Variants in MYH8 observed in about 807,000 individuals in gnomAD.
MYH8 encodes the protein myosin heavy chain 8, also known as myosin-8.
In MYH8, 168 loss-of-function variants were observed where a neutral mutation model predicts 233.2. The ratio of observed to expected loss-of-function variants is 0.72; its 90% CI spans 0.64 to 0.82. The LOEUF (loss-of-function observed/expected upper bound fraction) is 0.82. MYH8 is among the 40% of genes least tolerant of loss of function. The pLI, the probability that MYH8 is intolerant of heterozygous loss-of-function variation, is 0.00. For synonymous variants in MYH8, 785 were observed against 850.6 expected, an observed-to-expected ratio of 0.92 and a Z score of 1.34; for missense variants, 1,995 against 2,327.8, an observed-to-expected ratio of 0.86 and a Z score of 2.94.
Position 10,414,553 on chromosome 17 carries a change from C to T in MYH8, c.806-69G>A, listed in dbSNP as rs535833421. 5.6e-5 allele frequency: 59 copies of T among 1,050,686 alleles called. 1 individual carries two copies. The highest frequency in any genetic ancestry group is 1.9e-4 in the African/African-American group (12 of 63,524). 65.1% of individuals were successfully genotyped at this position (1,050,686 alleles called of 1,614,324 possible). On this transcript the variant is annotated intron_variant, in intron 9 of 39. Coordinates refer to ENST00000403437, the MANE Select transcript of MYH8 (RefSeq NM_002472.3). ...CTTCTGAGATAGTAAATGAACCTCACGTCTTTGGTCAAATTTGGAGCATTA... is the reference window on the plus strand; with the variant it reads ...CTTCTGAGATAGTAAATGAACCTCATGTCTTTGGTCAAATTTGGAGCATTA...
intron 35 of MYH8, among the ~76,000 whole-genome samples, chr17:10,393,834 G>A (rs1041743296): frequency 3.9e-5 from 6 of 152,166 alleles, no homozygotes; most frequent in African/African-American, 1.2e-4. Context: ...AGTGAACACA[G>A]CAGTGCTAAA....
Position 10,400,633 on chromosome 17 carries a change from C to G in MYH8, c.3492G>C (p.Val1164=), listed in dbSNP as rs772121980. 6.2e-7 allele frequency: 1 copy of G among 1,614,200 alleles called. No homozygotes were observed. Among genetic ancestry groups the G allele is most frequent in the Non-Finnish European group, 8.5e-7 (1 of 1,180,040 alleles). The part of the protein sequence containing the change: ...EEAGGATSAQ[V]ELNKKREAEF... ...CAGCCTCCCGCTTCTTGTTCAATTC[C>G]ACCTGAGCAGAAGTTGCCCCACCGG... The change falls in exon 27 of 40, where the codon GTG becomes GTC. Residue 1164 remains valine (V), a synonymous_variant. Coordinates refer to ENST00000403437, the MANE Select transcript of MYH8 (RefSeq NM_002472.3). This position sits in a 1 kb window ranked among gnomAD's most constrained non-coding sequence, Gnocchi z 4.0.
At position 10,419,143 on chromosome 17, in the gene MYH8, C is replaced by T; in HGVS notation, c.211-113G>A. On this transcript the variant is annotated intron_variant, in intron 3 of 39. Transcript: ENST00000403437. The surrounding 1 kb of genome is among the most constrained non-coding windows in gnomAD (Gnocchi z 4.0). Reference sequence around the variant, plus strand: ...CGCGATCTCAGCTCACTGCAACCTCCGCCCTCCTGCTTCAAGTGATTGTCC... The same window carrying T: ...CGCGATCTCAGCTCACTGCAACCTCTGCCCTCCTGCTTCAAGTGATTGTCC... 7 of 1,228,694 alleles carry T rather than the reference C, an allele frequency of 5.7e-6. No individual in the cohort carries two copies. The highest frequency in any genetic ancestry group is 2.6e-5 in the South Asian group (2 of 78,230). The allele number at this position is 1,228,694 out of a possible 1,614,324, so 76.1% of individuals were successfully genotyped here. A position where few individuals can be genotyped will look rare whatever the true frequency, so the allele number is the denominator to read the frequency against.
At position 10,406,069 on chromosome 17, in the gene MYH8, C is replaced by A; in HGVS notation, c.2404G>T (p.Val802Leu). The change falls in exon 21 of 40, where the codon GTA becomes TTA. Residue 802 changes from valine to leucine, a missense_variant. Physicochemically the swap from Val to Leu is conservative, Grantham distance 32. Transcript: ENST00000403437. ...CTTTGCAACATCTTCTGATATTCTACCCTCATTAGGAATCCCCTACAGACA... is the reference window on the plus strand; with the variant it reads ...CTTTGCAACATCTTCTGATATTCTAACCTCATTAGGAATCCCCTACAGACA... ...QAVCRGFLMR[V>L]EYQKMLQRRE... 1 of 1,614,012 alleles carries A rather than the reference C, an allele frequency of 6.2e-7. No homozygotes were observed. The highest frequency in any genetic ancestry group is 8.5e-7 in the Non-Finnish European group (1 of 1,179,960).
intron 21 of MYH8, among the ~76,000 whole-genome samples, chr17:10,405,823 A>G (rs1044885109): frequency 6.6e-6 from 1 of 152,232 alleles, no homozygotes; most frequent in Non-Finnish European, 1.5e-5. Context: ...ACTGCAAACT[A>G]TTCCTGTGGC....
intron 13 of MYH8, 23 bp downstream of exon 13, chr17:10,412,587 A>T: frequency 3.1e-6 from 5 of 1,614,146 alleles, no homozygotes; most frequent in Non-Finnish European, 4.2e-6. Flanking sequence ...GATGTGTGTG[A>T]TTCATTGAGG....
chr17:10,398,371 T>C (rs2072098169), intron 30 of MYH8, 73 bp downstream of exon 30: 1 of 1,609,004 alleles, frequency 6.2e-7, no homozygotes, highest in South Asian at 1.1e-5. Context: ...GCTTTTGCTA[T>C]TGTTATGTTA....
At chr17:10,407,042 A>T in intron 17 of MYH8, 63 bp from the exon 18 acceptor site, 1 of 1,272,814 alleles carries the variant, frequency 7.9e-7, no homozygotes, top group Non-Finnish European at 1.1e-6. Context: ...TTTTGTAATT[A>T]TATGGAATGA....
In MYH8 at chr17:10,398,624, G is replaced by T; in HGVS notation, c.3998C>A (p.Ala1333Glu). 6.2e-7 allele frequency: 1 copy of T among 1,614,200 alleles called. No individual in the cohort carries two copies. The highest frequency in any genetic ancestry group is 8.5e-7 in the Non-Finnish European group (1 of 1,180,034). Residue 1333 changes from alanine to glutamate, a missense_variant, in exon 30 of 40, where the codon GCA (alanine) becomes GAA (glutamate). This residue lies in a region of MYH8 where 1,498 missense variants were observed against 1,680.9 expected (regional missense o/e 0.89). Coordinates refer to ENST00000403437, the MANE Select transcript of MYH8 (RefSeq NM_002472.3). ...EEETKAKNALAHALQSSRHDC... is the reference protein window; with the variant it reads ...EEETKAKNALEHALQSSRHDC... Reference sequence around the variant, plus strand: ...ATGGCGGGAGGACTGCAGGGCGTGTGCCAGGGCGTTCTTGGCCTGCAGAAG... The same window carrying T: ...ATGGCGGGAGGACTGCAGGGCGTGTTCCAGGGCGTTCTTGGCCTGCAGAAG...
chr17:10,406,210 T>C (rs765443083), intron 20 of MYH8, 33 bp from the exon 21 acceptor site: 8 of 1,614,054 alleles, frequency 5.0e-6, no homozygotes, highest in Non-Finnish European at 6.8e-6. Context: ...ATCATCTCCA[T>C]ACTGCAGGAG....
At chr17:10,410,536 T>C (rs1290117447) in intron 15 of MYH8, among the ~76,000 whole-genome samples, 2 of 152,198 alleles carry the variant, frequency 1.3e-5, no homozygotes, top group Non-Finnish European at 2.9e-5. Context: ...GAGTTTTCAG[T>C]GCTGTGTTAA....
Position 10,415,976 on chromosome 17 carries a change from C to T in MYH8, c.512-268G>A, listed in dbSNP as rs1026464483. ...ATAACATAAAATTTACCATCTTAAC[C>T]ATTTTTAAGTGTAGAGATCACTGGC... On this transcript the variant is annotated intron_variant, in intron 5 of 39. Coordinates refer to ENST00000403437, the MANE Select transcript of MYH8 (RefSeq NM_002472.3). The surrounding 1 kb of genome is among the most constrained non-coding windows in gnomAD (Gnocchi z 4.1). Among the ~76,000 whole-genome samples, 3 of 152,128 alleles carry T rather than the reference C, an allele frequency of 2.0e-5. No individual in the cohort carries two copies. Among genetic ancestry groups the T allele is most frequent in the Non-Finnish European group, 4.4e-5 (3 of 68,020 alleles).
At chr17:10,395,654 A>G (rs1292999184) in intron 33 of MYH8, among the ~76,000 whole-genome samples, 1 of 152,146 alleles carries the variant, frequency 6.6e-6, no homozygotes, top group Non-Finnish European at 1.5e-5. Flanking sequence ...TGTGCTATAC[A>G]AATATTGTTC....
rs1223572561 is a variant in MYH8, at chr17:10,414,026, G to A, written c.1023C>T (p.Ile341=). 2.5e-6 allele frequency: 4 copies of A among 1,613,978 alleles called. No individual in the cohort carries two copies. In the African/African-American group the frequency reaches 4.0e-5, roughly 16 times the overall value. Residue 341 remains isoleucine, a synonymous_variant, in exon 12 of 40, where the codon ATC becomes ATT. Transcript: ENST00000403437. ...CTTTCTCTTCAGGAGTGAAGCCCAG[G>A]ATGTCAATGGCACTCTACCAGGAAA... is the stretch of plus-strand genomic sequence containing the variant. The part of the protein sequence containing the change: ...ELMATDSAID[I]LGFTPEEKVS...
In MYH8 at chr17:10,409,163, A is replaced by C. The variant is rs148707844; in HGVS notation, c.1899T>G (p.Asp633Glu). ...TCTTAGCACCTTTCTTCGCGCTGCT[A>C]TCTGAGGTAAAAAGAAAACCCGTGA... ...LFSTYASAEADSSAKKGAKKK... is the reference protein window; with the variant it reads ...LFSTYASAEAESSAKKGAKKK... The change falls in exon 17 of 40, where the codon GAT (aspartate) becomes GAG (glutamate). Residue 633 changes from aspartate to glutamate, a missense_variant and splice_region_variant. Asp to Glu is a conservative substitution (Grantham distance 45). Around this residue, in one of 3 missense-constraint regions of MYH8, gnomAD observed 1,498 missense variants for 1,680.9 expected, o/e 0.89. Coordinates refer to ENST00000403437, the MANE Select transcript of MYH8 (RefSeq NM_002472.3). The C allele has an allele frequency of 6.2e-6, 10 of 1,614,206 alleles. No homozygotes were observed. Among genetic ancestry groups the C allele is most frequent in the Non-Finnish European group, 8.5e-6 (10 of 1,180,026 alleles).
chr17:10,391,419 C>A (rs996174028), intron 39 of MYH8, among the ~76,000 whole-genome samples: 2 of 152,150 alleles, frequency 1.3e-5, no homozygotes, highest in African/African-American at 4.8e-5. Context: ...GTGGCTCATG[C>A]CTGTAATCCC....
intron 30 of MYH8, among the ~76,000 whole-genome samples, chr17:10,398,107 T>C (rs938998179): frequency 6.6e-6 from 1 of 152,202 alleles, no homozygotes; most frequent in Non-Finnish European, 1.5e-5. Flanking sequence ...TTAAGAGGTA[T>C]GTCTTCTACT....
rs1398231586 is a variant in MYH8, at chr17:10,398,839, G to C, written c.3910C>G (p.Leu1304Val). 1.2e-6 allele frequency: 2 copies of C among 1,613,638 alleles called. No individual in the cohort carries two copies. Residue 1304 changes from leucine to valine, a missense_variant, in exon 29 of 40, where the codon CTT (leucine) becomes GTT (valine). By Grantham distance (32) the Leu-to-Val change is conservative. This residue lies in a region of MYH8 where 1,498 missense variants were observed against 1,680.9 expected (regional missense o/e 0.89). Transcript: ENST00000403437. Reference sequence around the variant, plus strand: ...GTAGATGCTTGCTTGCTCCTTGAAAGCTGAGAGACTAAAGCATCTTTCTCA... The same window carrying C: ...GTAGATGCTTGCTTGCTCCTTGAAACCTGAGAGACTAAAGCATCTTTCTCA... ...LDEKDALVSQ[L>V]SRSKQASTQQ...
Position 10,421,707 on chromosome 17 carries a change from C to T in MYH8, c.-74-1G>A, listed in dbSNP as rs1233876067. On this transcript the variant is annotated splice_acceptor_variant, in intron 1 of 39. Transcript: ENST00000403437. LOFTEE classifies it low-confidence loss of function (5UTR_SPLICE). ...AATGCAGGTTCAGAAGTGTTCCACT[C>T]TGTAAAACAACAAGCTTCTTATTAG... The T allele has an allele frequency of 1.3e-5, 2 of 152,190 alleles. No individual in the cohort carries two copies. Among genetic ancestry groups the T allele is most frequent in the Admixed American group, 1.3e-4 (2 of 15,280 alleles). 9.4% of individuals were successfully genotyped at this position (152,190 alleles called of 1,614,324 possible). A position where few individuals can be genotyped will look rare whatever the true frequency, so the allele number is the denominator to read the frequency against.
Sources: allele counts gnomAD v4.1 joint callset (sites outside exome capture counted in the v4.1 genomes callset), GRCh38; gene constraint gnomAD v4.1.1; regional missense constraint gnomAD v4.1.1; non-coding constraint Gnocchi (gnomAD v3.1); transcripts MANE v1.5; gene names NCBI Gene and HGNC (gene_info 2026-07-23, HGNC 2026-07-21).